The following AR variants were observed in gnomAD, a reference collection of about 807,000 sequenced individuals.
The protein encoded by AR is dihydrotestosterone receptor.
In AR, 8 loss-of-function variants were observed where a neutral mutation model predicts 53.9. That is an observed-to-expected ratio of 0.15 (90% CI 0.09 to 0.27). The LOEUF is 0.27. AR is among the 10% of genes least tolerant of loss of function. AR has a pLI of 1.00. For synonymous variants in AR, 359 were observed against 316.4 expected (o/e 1.13, Z -1.43); for missense variants, 639 against 742.5 (o/e 0.86, Z 1.62).
intron 1 of AR, among the ~76,000 whole-genome samples, chrX:67,573,933 C>A (rs984459702): frequency 8.9e-6 from 1 of 112,097 alleles, no homozygotes; most frequent in Non-Finnish European, 1.9e-5. Context: ...CACCTAAATT[C>A]ATCTCACCAC....
chrX:67,690,725 A>T (rs1332368154), intron 3 of AR, among the ~76,000 whole-genome samples: 1 of 112,159 alleles, frequency 8.9e-6, no homozygotes, highest in Non-Finnish European at 1.9e-5. Context: ...TTCCTCAAAA[A>T]TTTGAGCAAG....
chrX:67,684,853 A>T (rs1267871302), intron 2 of AR, among the ~76,000 whole-genome samples: 1 of 111,177 alleles, frequency 9.0e-6, no homozygotes, highest in Non-Finnish European at 1.9e-5. Context: ...TGTATAGTTA[A>T]ATTTATGTTT....
At chrX:67,695,834 C>T in intron 3 of AR, 2 of 751,165 alleles carry the variant, frequency 2.7e-6, no homozygotes, top group African/African-American at 2.3e-5. Context: ...CACACACACA[C>T]ATACACACAC....
In AR at chrX:67,608,312, A is replaced by G. The variant is rs563191983; in HGVS notation, c.1617-34944A>G. Among the ~76,000 whole-genome samples, 3 of 112,073 alleles carry G rather than the reference A, an allele frequency of 2.7e-5. No individual in the cohort carries two copies. In the Admixed American group the frequency reaches 2.8e-4, roughly 11 times the overall value. On this transcript the variant is annotated intron_variant, in intron 1 of 7. Coordinates refer to ENST00000374690, the MANE Select transcript of AR (RefSeq NM_000044.6). ...ATAAAGAGGCCTTGAATGTCCTTCT[A>G]TCTTATTGTATATTTCATTAACAGA...
chrX:67,598,366 T>G (rs746329950), intron 1 of AR, among the ~76,000 whole-genome samples: 133 of 104,881 alleles, frequency 1.3e-3, no homozygotes, highest in African/African-American at 4.2e-3. Flanking sequence ...CACTGCAACC[T>G]CCGCCTCACA....
Position 67,625,188 on chromosome X carries a change from T to C in AR, c.1617-18068T>C, listed in dbSNP as rs777346628. ...TCACAATATAATCAAAATACCAGAATACTTAAAAATAAATTTAACAAAAGA... is the reference window on the plus strand; with the variant it reads ...TCACAATATAATCAAAATACCAGAACACTTAAAAATAAATTTAACAAAAGA... On this transcript the variant is annotated intron_variant, in intron 1 of 7. Coordinates refer to ENST00000374690, the MANE Select transcript of AR (RefSeq NM_000044.6). 6.3e-5 allele frequency among the ~76,000 whole-genome samples: 7 copies of C among 111,184 alleles called. No homozygotes were observed. The South Asian group carries it at 1.5e-3, about 24-fold the overall frequency.
At chrX:67,592,135 A>G (rs1648257447) in intron 1 of AR, among the ~76,000 whole-genome samples, 1 of 112,258 alleles carries the variant, frequency 8.9e-6, no homozygotes, top group African/African-American at 3.2e-5. Flanking sequence ...GCCTCTTAAT[A>G]AAGAACTTGT....
chrX:67,666,587 G>A (rs908470962), intron 2 of AR, among the ~76,000 whole-genome samples: 1 of 111,576 alleles, frequency 9.0e-6, no homozygotes, highest in Admixed American at 9.5e-5. Flanking sequence ...CAGTGGGATT[G>A]CTGGGTCATA....
At position 67,667,108 on chromosome X, in the gene AR, C is replaced by T. The variant is rs753294612; in HGVS notation, c.1769-18902C>T. ...CCATTTTTAGTTGCCTGTGCTGGTG[C>T]GGTATTACTCAAGAAATTTTTGCCC... On this transcript the variant is annotated intron_variant, in intron 2 of 7. Transcript: ENST00000374690. Among the ~76,000 whole-genome samples the T allele has an allele frequency of 1.3e-4, 15 of 111,289 alleles. No individual in the cohort carries two copies. The East Asian group carries it at 1.4e-3, about 10-fold the overall frequency.
At chrX:67,696,409 T>A (rs1337983503) in intron 3 of AR, among the ~76,000 whole-genome samples, 1 of 111,884 alleles carries the variant, frequency 8.9e-6, no homozygotes, top group Non-Finnish European at 1.9e-5. Flanking sequence ...CCCTTTCTTC[T>A]GGCTCAGTAG....
intron 1 of AR, among the ~76,000 whole-genome samples, chrX:67,566,645 G>A (rs1921570785): frequency 9.0e-6 from 1 of 111,001 alleles, no homozygotes; most frequent in Admixed American, 9.6e-5. Flanking sequence ...TTCTGGTTAT[G>A]TATTTGAGTA....
At chrX:67,627,240 C>A (rs1040438187) in intron 1 of AR, among the ~76,000 whole-genome samples, 2 of 111,312 alleles carry the variant, frequency 1.8e-5, no homozygotes, top group Admixed American at 9.5e-5. Flanking sequence ...AGTTTACAGT[C>A]CCACCAACAG....
intron 2 of AR, among the ~76,000 whole-genome samples, chrX:67,660,188 C>A (rs1926815172): frequency 8.9e-6 from 1 of 112,031 alleles, no homozygotes; most frequent in Non-Finnish European, 1.9e-5. Flanking sequence ...ATGGTAGTTT[C>A]TTTTGCTATG....
intron 2 of AR, among the ~76,000 whole-genome samples, chrX:67,654,130 G>A (rs1399907126): frequency 9.0e-6 from 1 of 110,701 alleles, no homozygotes; most frequent in African/African-American, 3.3e-5. Flanking sequence ...ATGTGATCTC[G>A]AGCAAATCAC....
intron 1 of AR, among the ~76,000 whole-genome samples, chrX:67,610,914 C>T (rs1382310676): frequency 1.8e-5 from 2 of 111,352 alleles, no homozygotes; most frequent in African/African-American, 6.5e-5. Flanking sequence ...TGCTGTATGA[C>T]CTTAGGCAAG....
At chrX:67,670,518 T>A (rs61333238) in intron 2 of AR, among the ~76,000 whole-genome samples, 4 of 106,497 alleles carry the variant, frequency 3.8e-5, no homozygotes, top group African/African-American at 1.4e-4. Flanking sequence ...TATACTAATA[T>A]ATTATATATA....
intron 4 of AR, among the ~76,000 whole-genome samples, chrX:67,715,162 C>G (rs1442887068): frequency 1.8e-5 from 2 of 111,318 alleles, no homozygotes; most frequent in African/African-American, 6.5e-5. Flanking sequence ...TTTTCTTGCT[C>G]CCCACTGCCT....
intron 1 of AR, among the ~76,000 whole-genome samples, chrX:67,562,530 T>TG (rs2147338816): frequency 1.8e-5 from 2 of 111,922 alleles, no homozygotes; most frequent in East Asian, 5.7e-4. Context: ...GAAAAGCAGC[T>TG]GATCCTCTGG....
In AR at chrX:67,611,745, A is replaced by G. The variant is rs760924262; in HGVS notation, c.1617-31511A>G. On this transcript the variant is annotated intron_variant, in intron 1 of 7. Coordinates refer to ENST00000374690, the MANE Select transcript of AR (RefSeq NM_000044.6). ...TTCCTAGTTCAACCACCTTTTCTTC[A>G]TACCTTTTTAATTTTTCTCTGCAGA... Among the ~76,000 whole-genome samples, 49 of 111,418 alleles carry G rather than the reference A, an allele frequency of 4.4e-4. No individual in the cohort carries two copies. In the South Asian group the frequency reaches 0.017, roughly 39 times the overall value.
Sources: gnomAD v4.1 joint callset for allele counts (sites outside exome capture counted in the v4.1 genomes callset) on GRCh38, gnomAD v4.1.1 for gene constraint, MANE v1.5 for transcripts, NCBI Gene and HGNC (gene_info 2026-07-23, HGNC 2026-07-21) for gene names.